CHRM5: variants seen among roughly 807,000 people sequenced by gnomAD.
CHRM5 encodes the protein cholinergic receptor muscarinic 5.
CHRM5 carries 18 observed loss-of-function variants against 39.0 expected under a neutral mutation model. That is an observed-to-expected ratio of 0.46 (90% CI 0.32 to 0.68). The LOEUF is 0.68. CHRM5 is among the 30% of genes least tolerant of loss of function. The pLI is 0.04. For synonymous variants in CHRM5, 241 were observed against 246.3 expected (o/e 0.98, Z 0.20); for missense variants, 515 against 651.1 (o/e 0.79, Z 2.28).
intron 1 of CHRM5, among the ~76,000 whole-genome samples, chr15:34,044,486 TG>T (rs1899610828): frequency 6.6e-6 from 1 of 152,252 alleles, no homozygotes; most frequent in Non-Finnish European, 1.5e-5. Flanking sequence ...GGGGAAGACT[TG>T]GGCAACAGTC....
At chr15:34,010,000 T>C (rs1458867271) in intron 1 of CHRM5, among the ~76,000 whole-genome samples, 1 of 151,870 alleles carries the variant, frequency 6.6e-6, no homozygotes, top group Non-Finnish European at 1.5e-5. Flanking sequence ...TATGAACATA[T>C]AAACATATGC....
At chr15:33,975,073 T>G (rs1312475247) in intron 1 of CHRM5, among the ~76,000 whole-genome samples, 1 of 152,238 alleles carries the variant, frequency 6.6e-6, no homozygotes, top group Non-Finnish European at 1.5e-5. Flanking sequence ...TATCAAGATA[T>G]AAGACATATA....
rs1368786590 is a variant in CHRM5, at chr15:34,048,379, A to G, written c.-76+1508A>G. Among the ~76,000 whole-genome samples, 6 of 150,756 alleles carry G rather than the reference A, an allele frequency of 4.0e-5. No homozygotes were observed. In the South Asian group the frequency reaches 6.3e-4, roughly 16 times the overall value. On this transcript the variant is annotated intron_variant, in intron 2 of 2. Transcript: ENST00000383263. Reference sequence around the variant, plus strand: ...CAGCCTGCTGGCTTTGGAGAGTCCAAATGGTCCTGACAAGGAAGGGTCCCC... The same window carrying G: ...CAGCCTGCTGGCTTTGGAGAGTCCAGATGGTCCTGACAAGGAAGGGTCCCC...
intron 2 of CHRM5, among the ~76,000 whole-genome samples, chr15:34,049,505 A>G (rs1418828515): frequency 6.6e-6 from 1 of 152,154 alleles, no homozygotes; most frequent in Non-Finnish European, 1.5e-5. Context: ...AAGAATGGAG[A>G]AAAAAAGAAT....
intron 1 of CHRM5, chr15:34,018,339 G>A (rs1422461689): frequency 6.6e-6 from 1 of 152,236 alleles, no homozygotes; most frequent in Non-Finnish European, 1.5e-5. Flanking sequence ...CCGTCGCGGT[G>A]TGTTACAGTT....
At chr15:34,044,516 A>C (rs1280869439) in intron 1 of CHRM5, among the ~76,000 whole-genome samples, 1 of 152,206 alleles carries the variant, frequency 6.6e-6, no homozygotes, top group East Asian at 1.9e-4. Flanking sequence ...CTGTACCTCC[A>C]GATTCTCACA....
At chr15:33,971,283 AC>A (rs1212559311) in intron 1 of CHRM5, among the ~76,000 whole-genome samples, 1 of 152,098 alleles carries the variant, frequency 6.6e-6, no homozygotes, top group African/African-American at 2.4e-5. Context: ...TTTCATTCAC[AC>A]ATATTATATA....
At chr15:33,980,400 C>T (rs917876288) in intron 1 of CHRM5, among the ~76,000 whole-genome samples, 1 of 152,214 alleles carries the variant, frequency 6.6e-6, no homozygotes, top group Non-Finnish European at 1.5e-5. Context: ...TGTTGCATTA[C>T]TTACGCAAGG....
intron 1 of CHRM5, among the ~76,000 whole-genome samples, chr15:33,983,215 C>CATATATATATACTAATAATAAATACATAT (rs148035145): frequency 8.9e-6 from 1 of 111,784 alleles, no homozygotes; most frequent in Non-Finnish European, 1.7e-5. Flanking sequence ...TATATATATA[C>CATATATATATACTAATAATAAATACATAT]ATATATATAC....
At chr15:34,021,347 G>A (rs1328986382) in intron 1 of CHRM5, among the ~76,000 whole-genome samples, 2 of 151,218 alleles carry the variant, frequency 1.3e-5, no homozygotes, top group Admixed American at 6.6e-5. Flanking sequence ...GTACAATGGC[G>A]CCATCTTGGC....
chr15:34,049,303 T>C (rs184991659), intron 2 of CHRM5, among the ~76,000 whole-genome samples: 22 of 152,128 alleles, frequency 1.4e-4, no homozygotes, highest in African/African-American at 5.3e-4. Context: ...GAGCTATGAA[T>C]CATGAGAAAA....
intron 1 of CHRM5, among the ~76,000 whole-genome samples, chr15:33,990,470 C>G (rs2140566324): frequency 6.6e-6 from 1 of 152,270 alleles, no homozygotes; most frequent in East Asian, 1.9e-4. Flanking sequence ...GAATATAAGT[C>G]ATTTGATAAC....
intron 1 of CHRM5, among the ~76,000 whole-genome samples, chr15:34,017,773 C>G (rs1471207025): frequency 1.3e-5 from 2 of 152,156 alleles, no homozygotes; most frequent in South Asian, 2.1e-4. Context: ...AGCCACTGAG[C>G]CTGGCCAGTA....
At chr15:34,004,377 G>C (rs1291338274) in intron 1 of CHRM5, among the ~76,000 whole-genome samples, 1 of 152,004 alleles carries the variant, frequency 6.6e-6, no homozygotes, top group African/African-American at 2.4e-5. Context: ...AACTGAAAGA[G>C]AAAAAAATGG....
intron 1 of CHRM5, among the ~76,000 whole-genome samples, chr15:34,000,876 T>G (rs1002426630): frequency 6.6e-6 from 1 of 152,070 alleles, no homozygotes; most frequent in Non-Finnish European, 1.5e-5. Context: ...ACAAGCCACT[T>G]CAGAAGAAAT....
At chr15:34,054,717 G>A (rs62014671) in intron 2 of CHRM5, among the ~76,000 whole-genome samples, 27,126 of 152,096 alleles carry the variant, frequency 0.18, 2,756 homozygotes, top group Middle Eastern at 0.28. Flanking sequence ...ACATCAAGAA[G>A]AATAGGTAAT....
chr15:34,039,400 G>A (rs188261893), intron 1 of CHRM5, among the ~76,000 whole-genome samples: 7 of 65,524 alleles, frequency 1.1e-4, no homozygotes, highest in Non-Finnish European at 2.1e-4. Context: ...TTTGTATGAT[G>A]TGAACTCTCG....
chr15:33,997,529 AC>A (rs1896984661), intron 1 of CHRM5, among the ~76,000 whole-genome samples: 1 of 152,120 alleles, frequency 6.6e-6, no homozygotes, highest in South Asian at 2.1e-4. Flanking sequence ...GTCATCCGCA[AC>A]CCCCTGCCCC....
chr15:34,043,534 G>A (rs1054495141), intron 1 of CHRM5, among the ~76,000 whole-genome samples: 1 of 152,168 alleles, frequency 6.6e-6, no homozygotes. Flanking sequence ...TACTGAGGGT[G>A]CTCACCAGCT....
Sources: gnomAD v4.1 joint callset for allele counts (sites outside exome capture counted in the v4.1 genomes callset) on GRCh38, gnomAD v4.1.1 for gene constraint, MANE v1.5 for transcripts, NCBI Gene and HGNC (gene_info 2026-07-23, HGNC 2026-07-21) for gene names.